PRKAR1B: variants seen among roughly 807,000 people sequenced by gnomAD.
The protein encoded by PRKAR1B is protein kinase cAMP-dependent type I regulatory subunit beta, also known as cAMP-dependent protein kinase type I-beta regulatory subunit.
PRKAR1B carries 22 observed loss-of-function variants against 46.5 expected under a neutral mutation model. That is an observed-to-expected ratio of 0.47 (90% CI 0.34 to 0.68). The LOEUF (loss-of-function observed/expected upper bound fraction) is 0.68. Ranked by LOEUF, PRKAR1B falls within the 30% of genes least tolerant of loss-of-function variation. The pLI, the probability that PRKAR1B is intolerant of heterozygous loss-of-function variation, is 0.01. For missense variants in PRKAR1B, 445 were observed against 535.6 expected (o/e 0.83, Z 1.67); for synonymous variants, 259 against 217.7 (o/e 1.19, Z -1.67).
chr7:697,088 A>G (rs1026814849), intron 2 of PRKAR1B: 3 of 152,252 alleles, frequency 2.0e-5, no homozygotes, highest in Non-Finnish European at 4.4e-5. Flanking sequence ...GGCCAAAGCC[A>G]TCTTCGTAAC....
chr7:615,535 G>GAGAAAGAAGGAA (rs1252670556), intron 4 of PRKAR1B, among the ~76,000 whole-genome samples: 2 of 151,360 alleles, frequency 1.3e-5, no homozygotes, highest in Non-Finnish European at 2.9e-5. Context: ...GAAAGAGAGA[G>GAGAAAGAAGGAA]AGAAAGAAGG....
intron 2 of PRKAR1B, among the ~76,000 whole-genome samples, chr7:695,241 G>A (rs114470454): frequency 2.0e-5 from 3 of 152,162 alleles, no homozygotes; most frequent in African/African-American, 4.8e-5. Context: ...GGTGGCCGGC[G>A]AGAAAGGCAG....
chr7:703,516 C>A (rs975140560), intron 2 of PRKAR1B, among the ~76,000 whole-genome samples: 1 of 151,930 alleles, frequency 6.6e-6, no homozygotes, highest in East Asian at 1.9e-4. Context: ...ATTAGCTGGG[C>A]GTGGTGGCAG....
At chr7:704,858 C>A (rs970509324) in intron 2 of PRKAR1B, among the ~76,000 whole-genome samples, 2 of 152,100 alleles carry the variant, frequency 1.3e-5, no homozygotes, top group Non-Finnish European at 2.9e-5. Flanking sequence ...TTCTGAAACT[C>A]AGTAGTAAGA....
intron 4 of PRKAR1B, among the ~76,000 whole-genome samples, chr7:630,052 G>A (rs538138411): frequency 7.2e-6 from 1 of 139,254 alleles, no homozygotes. Context: ...CTGCAGGAGC[G>A]GGACCACGGC....
chr7:582,972 G>A (rs536431369), intron 8 of PRKAR1B, among the ~76,000 whole-genome samples: 1 of 152,208 alleles, frequency 6.6e-6, no homozygotes, highest in Admixed American at 6.5e-5. Context: ...CAGACACAAA[G>A]CCACACAGGT....
At chr7:564,289 T>C (rs967355602) in intron 9 of PRKAR1B, among the ~76,000 whole-genome samples, 2 of 152,128 alleles carry the variant, frequency 1.3e-5, no homozygotes, top group African/African-American at 4.8e-5. Context: ...GCCCCCAGCG[T>C]CAGCCCATCC....
intron 9 of PRKAR1B, among the ~76,000 whole-genome samples, chr7:551,736 T>G (rs112839476): frequency 2.9e-5 from 2 of 68,874 alleles, no homozygotes; most frequent in African/African-American, 1.2e-4. Flanking sequence ...GCCACCACCA[T>G]GTCACCACCC....
chr7:604,690 T>C (rs571162533), intron 6 of PRKAR1B, among the ~76,000 whole-genome samples: 9 of 152,296 alleles, frequency 5.9e-5, no homozygotes, highest in African/African-American at 2.2e-4. Flanking sequence ...ACTCCGCGGC[T>C]GCCACGGAAA....
intron 9 of PRKAR1B, among the ~76,000 whole-genome samples, chr7:568,376 G>T (rs1779298570): frequency 1.3e-5 from 2 of 152,362 alleles, no homozygotes; most frequent in South Asian, 4.1e-4. Context: ...GCAGGCCACA[G>T]CTGTGGGACT....
intron 2 of PRKAR1B, among the ~76,000 whole-genome samples, chr7:685,248 C>T (rs530777856): frequency 1.2e-3 from 111 of 89,978 alleles, no homozygotes; most frequent in African/African-American, 3.9e-3. Flanking sequence ...ACATATAACA[C>T]GTTTTATATA....
intron 1 of PRKAR1B, among the ~76,000 whole-genome samples, chr7:721,898 A>G (rs999851334): frequency 2.0e-5 from 3 of 152,058 alleles, no homozygotes; most frequent in Non-Finnish European, 4.4e-5. Flanking sequence ...GCCTTCATTC[A>G]AACTGGTGTT....
chr7:636,442 CCT>C (rs1784109216), intron 4 of PRKAR1B, among the ~76,000 whole-genome samples: 1 of 91,260 alleles, frequency 1.1e-5, no homozygotes, highest in Admixed American at 1.2e-4. Flanking sequence ...CCGGCCGCGC[CCT>C]CACGTCCTCC....
chr7:593,918 C>T lies in PRKAR1B; in HGVS notation c.708+2228G>A, dbSNP rs979507658. Among the ~76,000 whole-genome samples, 1 of 152,174 alleles carries T rather than the reference C, an allele frequency of 6.6e-6. No homozygotes were observed. Among genetic ancestry groups the T allele is most frequent in the African/African-American group, 2.4e-5 (1 of 41,448 alleles). On this transcript the variant is annotated intron_variant, in intron 7 of 10. Coordinates refer to ENST00000537384, the MANE Select transcript of PRKAR1B (RefSeq NM_001164760.2). The surrounding 1 kb of genome is among the most constrained non-coding windows in gnomAD (Gnocchi z 6.1). ...TGAAACAGCCGCCCCAAAGACTGTGCGAACGCGCCATCCACAAAACACAAG... is the reference window on the plus strand; with the variant it reads ...TGAAACAGCCGCCCCAAAGACTGTGTGAACGCGCCATCCACAAAACACAAG...
At chr7:572,889 G>T (rs903668951) in intron 9 of PRKAR1B, among the ~76,000 whole-genome samples, 1 of 152,242 alleles carries the variant, frequency 6.6e-6, no homozygotes, top group African/African-American at 2.4e-5. Context: ...ATGACAGTGA[G>T]CAGACAGGGC....
At position 680,701 on chromosome 7, in the gene PRKAR1B, C is replaced by T. The variant is rs140110814; in HGVS notation, c.203G>A (p.Arg68Gln). Residue 68 changes from arginine to glutamine, a missense_variant, in exon 3 of 11, where the codon CGG becomes CAG. By Grantham distance (43) the Arg-to-Gln change is conservative (BLOSUM62 1). Transcript: ENST00000537384. ...EKEENRQILARQKSNSQSDSH... is the reference protein window; with the variant it reads ...EKEENRQILAQQKSNSQSDSH... ...GTCCGACTGTGAGTTTGACTTTTGC[C>T]GCGCCAAAATCTGCCTGTTTTCTTC... The T allele has an allele frequency of 1.5e-4, 236 of 1,613,778 alleles. 2 individuals are homozygous for T. The highest frequency in any genetic ancestry group is 1.7e-4 in the Non-Finnish European group (197 of 1,179,966).
chr7:583,520 C>T (rs9767933), intron 8 of PRKAR1B, among the ~76,000 whole-genome samples: 42,194 of 121,590 alleles, frequency 0.35, 8,924 homozygotes, highest in African/African-American at 0.4. Context: ...CCCACACACG[C>T]GTGCACACAC....
chr7:628,761 A>AC (rs1481801988), intron 4 of PRKAR1B, among the ~76,000 whole-genome samples: 2 of 150,564 alleles, frequency 1.3e-5, no homozygotes, highest in African/African-American at 4.9e-5. Flanking sequence ...TGTCCATTTC[A>AC]CCCCCCTGAC....
intron 4 of PRKAR1B, among the ~76,000 whole-genome samples, chr7:659,313 C>T (rs971681100): frequency 2.6e-5 from 4 of 152,186 alleles, no homozygotes; most frequent in Admixed American, 1.3e-4. Flanking sequence ...TTCAACCCCT[C>T]GGGCGGGGTC....
Sources: allele counts gnomAD v4.1 joint callset (sites outside exome capture counted in the v4.1 genomes callset), GRCh38; gene constraint gnomAD v4.1.1; non-coding constraint Gnocchi (gnomAD v3.1); transcripts MANE v1.5; gene names NCBI Gene and HGNC (gene_info 2026-07-23, HGNC 2026-07-21).